Variants in INTS4 observed in about 807,000 individuals in gnomAD.
INTS4 encodes the protein integrator complex subunit 4, also known as MSTP093.
In INTS4, 70 loss-of-function variants were observed where a neutral mutation model predicts 119.5. The ratio of observed to expected loss-of-function variants is 0.59; its 90% CI spans 0.48 to 0.71. INTS4 has a LOEUF of 0.71. Among genes scored for constraint, INTS4 ranks in the 30% least tolerant of loss-of-function variants. The pLI, the probability that INTS4 is intolerant of heterozygous loss-of-function variation, is 0.00. For synonymous variants in INTS4, 316 were observed against 419.6 expected (o/e 0.75, Z 3.02); for missense variants, 867 against 1,173.2 (o/e 0.74, Z 3.81).
intron 2 of INTS4, among the ~76,000 whole-genome samples, chr11:77,989,242 C>T (rs1856569856): frequency 6.6e-6 from 1 of 152,008 alleles, no homozygotes; most frequent in Non-Finnish European, 1.5e-5. Flanking sequence ...AATCCCAGCA[C>T]TTTGGGAGGC....
chr11:77,963,353 A>C (rs1565276322), intron 4 of INTS4: 5 of 149,862 alleles, frequency 3.3e-5, no homozygotes, highest in Admixed American at 1.2e-4. Context: ...ACTCCGTCTC[A>C]AAAAAAAAAA....
intron 1 of INTS4, among the ~76,000 whole-genome samples, chr11:77,992,831 C>T (rs7946022): frequency 1.6e-4 from 24 of 152,242 alleles, no homozygotes; most frequent in East Asian, 1.2e-3. Flanking sequence ...CTTTATTATA[C>T]GTATATGTAA....
At chr11:77,916,102 T>C (rs1251211106) in intron 15 of INTS4, among the ~76,000 whole-genome samples, 1 of 152,240 alleles carries the variant, frequency 6.6e-6, no homozygotes, top group Non-Finnish European at 1.5e-5. Flanking sequence ...TGTAACATTC[T>C]GTAATAAATT....
chr11:77,901,592 A>T (rs1434722831), intron 17 of INTS4, 41 bp from the exon 18 acceptor site: 2 of 1,485,748 alleles, frequency 1.3e-6, no homozygotes, highest in Non-Finnish European at 1.9e-6. Context: ...AAAATATCAT[A>T]GTCTTACTTG....
chr11:77,934,403 A>AC (rs1157955641), intron 10 of INTS4, among the ~76,000 whole-genome samples: 2 of 151,632 alleles, frequency 1.3e-5, no homozygotes, highest in African/African-American at 4.8e-5. Context: ...CTAAAAAAAA[A>AC]AAAAAAAAGA....
At chr11:77,947,807 A>G (rs1380486926) in intron 8 of INTS4, among the ~76,000 whole-genome samples, 1 of 152,192 alleles carries the variant, frequency 6.6e-6, no homozygotes, top group Non-Finnish European at 1.5e-5. Context: ...ACCAAAGTTG[A>G]GTTGCTATCA....
intron 20 of INTS4, 90 bp from the exon 21 acceptor site, chr11:77,891,552 G>C: frequency 6.4e-7 from 1 of 1,562,708 alleles, no homozygotes. Flanking sequence ...TATCTAATGA[G>C]TGGGCATGTG....
chr11:77,920,476 C>G (rs952390155), intron 14 of INTS4, among the ~76,000 whole-genome samples: 19 of 151,728 alleles, frequency 1.3e-4, no homozygotes, highest in African/African-American at 4.4e-4. Flanking sequence ...TTCTATATAA[C>G]TCTAGGTTTT....
At chr11:77,979,288 T>C (rs1262391530) in intron 3 of INTS4, among the ~76,000 whole-genome samples, 186 bp from the exon 4 acceptor site, 2 of 151,708 alleles carry the variant, frequency 1.3e-5, no homozygotes, top group Non-Finnish European at 2.9e-5. Context: ...CTGGGCAACA[T>C]AGGGAGACTC....
At chr11:77,874,908 G>A (rs983321229), downstream of INTS4, among the ~76,000 whole-genome samples, 1 of 152,080 alleles carries the variant, frequency 6.6e-6, no homozygotes. Flanking sequence ...GTGGTGGCAC[G>A]TGCCTGTAAT....
chr11:77,921,680 A>C (rs1953363758), intron 13 of INTS4, among the ~76,000 whole-genome samples: 1 of 152,242 alleles, frequency 6.6e-6, no homozygotes, highest in Non-Finnish European at 1.5e-5. Flanking sequence ...GAGACTGCCA[A>C]GAATACAAAA....
chr11:77,913,562 T>C (rs1302609407), intron 15 of INTS4, among the ~76,000 whole-genome samples: 7 of 152,170 alleles, frequency 4.6e-5, no homozygotes. Flanking sequence ...CCGCCCACCT[T>C]GGCCTCCCAA....
intron 16 of INTS4, among the ~76,000 whole-genome samples, 173 bp from the exon 17 acceptor site, chr11:77,903,793 T>C (rs1258318253): frequency 1.3e-5 from 2 of 152,242 alleles, no homozygotes; most frequent in African/African-American, 2.4e-5. Context: ...ATGAGACCAA[T>C]GGTTTGGGCT....
At chr11:77,938,236 G>A (rs1457868978) in intron 10 of INTS4, among the ~76,000 whole-genome samples, 1 of 152,102 alleles carries the variant, frequency 6.6e-6, no homozygotes. Context: ...TTTAAATCTT[G>A]CTCTGTCTCT....
downstream of INTS4, chr11:77,876,895 A>C (rs376988193): frequency 1.6e-5 from 11 of 684,984 alleles, no homozygotes; most frequent in African/African-American, 8.9e-5. Flanking sequence ...GGTTTTCTAT[A>C]ATTACAGCAC....
At chr11:77,916,904 T>C (rs1487233894) in intron 15 of INTS4, among the ~76,000 whole-genome samples, 1 of 152,228 alleles carries the variant, frequency 6.6e-6, no homozygotes, top group South Asian at 2.1e-4. Context: ...TCATTTCTTA[T>C]TTCTCTCTAC....
rs367685008 is a variant in INTS4 at position 77,959,783 on chromosome 11, C to A, written c.708+558G>T. Among the ~76,000 whole-genome samples, 6 of 152,138 alleles carry A rather than the reference C, an allele frequency of 3.9e-5. No individual in the cohort carries two copies. The East Asian group carries it at 7.7e-4, about 20-fold the overall frequency. The stretch of plus-strand genomic sequence containing the variant: ...AGGCTAACAAAACCTAATCTCTGAA[C>A]GTGGATTTAGATTCCTTTTACCAGA... On this transcript the variant is annotated intron_variant, in intron 6 of 22. Transcript: ENST00000534064.
intron 15 of INTS4, among the ~76,000 whole-genome samples, chr11:77,908,805 T>C (rs1275918612): frequency 1.1e-4 from 17 of 151,920 alleles, no homozygotes; most frequent in Non-Finnish European, 5.9e-5. Context: ...TTTAAGACAA[T>C]GAACAAGTAT....
chr11:77,937,519 G>T (rs2136518366), intron 10 of INTS4, among the ~76,000 whole-genome samples: 1 of 152,270 alleles, frequency 6.6e-6, no homozygotes, highest in South Asian at 2.1e-4. Context: ...CAAAGCAAAA[G>T]GATCACTTGA....
Sources: allele counts gnomAD v4.1 joint callset (sites outside exome capture counted in the v4.1 genomes callset), GRCh38; gene constraint gnomAD v4.1.1; transcripts MANE v1.5; gene names NCBI Gene and HGNC (gene_info 2026-07-23, HGNC 2026-07-21).